Variants in PCLO observed in about 807,000 individuals in gnomAD.
The protein encoded by PCLO is piccolo presynaptic cytomatrix protein.
In PCLO, 82 loss-of-function variants were observed where a neutral mutation model predicts 427.5. The ratio of observed to expected loss-of-function variants is 0.19; its 90% CI spans 0.16 to 0.23. The LOEUF (loss-of-function observed/expected upper bound fraction) is 0.23, where lower values mean the gene tolerates loss of function less well. PCLO is among the 10% of genes least tolerant of loss of function. The pLI is 1.00. For synonymous variants in PCLO, 2,357 were observed against 2,155.4 expected (o/e 1.09, Z -2.59); for missense variants, 6,239 against 6,115.9 (o/e 1.02, Z -0.67).
intron 14 of PCLO, among the ~76,000 whole-genome samples, chr7:82,840,666 A>G (rs1281271350): frequency 6.6e-6 from 1 of 152,060 alleles, no homozygotes; most frequent in Non-Finnish European, 1.5e-5. Context: ...TTATCTTCAA[A>G]TTAATTCGAG....
At chr7:83,079,902 T>TTGTTGTTCCCCTCCCTG (rs1248588402) in intron 3 of PCLO, among the ~76,000 whole-genome samples, 2 of 151,086 alleles carry the variant, frequency 1.3e-5, no homozygotes, top group East Asian at 3.9e-4. Context: ...GACCCCAATG[T>TTGTTGTTCCCCTCCCTG]TGTTGTTCCC....
At chr7:83,032,784 G>A (rs142857353) in intron 3 of PCLO, among the ~76,000 whole-genome samples, 178 of 152,134 alleles carry the variant, frequency 1.2e-3, no homozygotes, top group Non-Finnish European at 2.2e-3. Context: ...AAAATCTAGA[G>A]TTGAATCATG....
chr7:83,117,586 C>G (rs10240400), intron 3 of PCLO, among the ~76,000 whole-genome samples: 13,356 of 152,150 alleles, frequency 0.088, 1,976 homozygotes, highest in African/African-American at 0.31. Context: ...CTGCTGCTAT[C>G]AAAGAGGTGG....
chr7:82,857,011 G>C (rs2115884687), intron 10 of PCLO, among the ~76,000 whole-genome samples: 1 of 152,222 alleles, frequency 6.6e-6, no homozygotes. Flanking sequence ...TTACTTGAAA[G>C]AGCATGCCTC....
chr7:83,063,429 G>A (rs182213901), intron 3 of PCLO, among the ~76,000 whole-genome samples: 2 of 152,150 alleles, frequency 1.3e-5, no homozygotes, highest in Admixed American at 1.3e-4. Flanking sequence ...TTCAATAGAA[G>A]CCATATTTCA....
intron 9 of PCLO, among the ~76,000 whole-genome samples, chr7:82,885,711 T>C (rs1308760813): frequency 1.3e-5 from 2 of 151,954 alleles, no homozygotes; most frequent in Admixed American, 1.3e-4. Flanking sequence ...AAATAATATA[T>C]GCATATTGTA....
chr7:82,817,193 C>T (rs1225595032), intron 20 of PCLO, among the ~76,000 whole-genome samples: 4 of 152,146 alleles, frequency 2.6e-5, no homozygotes, highest in South Asian at 2.1e-4. Flanking sequence ...GTTTGCTATG[C>T]GCATGTCATT....
intron 22 of PCLO, among the ~76,000 whole-genome samples, chr7:82,791,506 A>T (rs1404515986): frequency 6.6e-6 from 1 of 152,206 alleles, no homozygotes; most frequent in East Asian, 1.9e-4. Flanking sequence ...GTCCTTTTTC[A>T]AAGTAAAAGA....
chr7:82,760,937 A>G (rs1046939454), intron 23 of PCLO, among the ~76,000 whole-genome samples, 153 bp from the exon 24 acceptor site: 6 of 135,760 alleles, frequency 4.4e-5, no homozygotes, highest in Non-Finnish European at 9.3e-5. Flanking sequence ...TGATTAAAAG[A>G]TATGTCTTTT....
chr7:83,045,033 A>T (rs1407212623), intron 3 of PCLO, among the ~76,000 whole-genome samples: 2 of 152,174 alleles, frequency 1.3e-5, no homozygotes, highest in East Asian at 3.9e-4. Context: ...TTTCTTATAA[A>T]CTATGATAGT....
chr7:82,938,923 A>G (rs139562235), intron 6 of PCLO, among the ~76,000 whole-genome samples: 7 of 152,202 alleles, frequency 4.6e-5, no homozygotes, highest in Non-Finnish European at 8.8e-5. Flanking sequence ...ACAGGTTAAC[A>G]ATAATTTCCA....
At chr7:82,834,342 C>G (rs536897475) in intron 16 of PCLO, among the ~76,000 whole-genome samples, 1 of 152,096 alleles carries the variant, frequency 6.6e-6, no homozygotes, top group Non-Finnish European at 1.5e-5. Context: ...GATGAGAGAA[C>G]CAGCCATAAC....
Position 82,822,671 on chromosome 7 carries a change from A to G in PCLO, c.14615T>C (p.Ile4872Thr), listed in dbSNP as rs770706857. 4.3e-6 allele frequency: 7 copies of G among 1,613,364 alleles called. No individual in the cohort carries two copies. The African/African-American group carries it at 5.3e-5, about 12-fold the overall frequency. The change falls in exon 20 of 25, where the codon ATT becomes ACT. Residue 4872 changes from isoleucine to threonine, a missense_variant. Physicochemically the swap from Ile to Thr is moderately conservative, Grantham distance 89 (BLOSUM62 -1). Transcript: ENST00000333891. ...DPSKDMQVPT[I>T]EKSHSSPGSS... ...ACCAGGACTACTATGGGATTTCTCA[A>G]TGGTGGGAACCTGCATGTCTGGTCA...
chr7:82,796,150 T>C (rs1041285306), intron 22 of PCLO, among the ~76,000 whole-genome samples: 2 of 152,208 alleles, frequency 1.3e-5, no homozygotes, highest in Non-Finnish European at 2.9e-5. Context: ...GGTCAATCGA[T>C]ACCCTCCAGA....
intron 10 of PCLO, among the ~76,000 whole-genome samples, chr7:82,857,571 C>G (rs937492219): frequency 5.3e-5 from 8 of 152,058 alleles, no homozygotes; most frequent in African/African-American, 1.9e-4. Flanking sequence ...CCACCACCAT[C>G]TCCACTGTAC....
At chr7:83,162,240 G>T in intron 1 of PCLO, 105 bp downstream of exon 1, 1 of 1,320,188 alleles carries the variant, frequency 7.6e-7, no homozygotes, top group Non-Finnish European at 1.0e-6. Context: ...TAAAATGAAC[G>T]GAGGCGACAT....
At chr7:82,928,263 A>T (rs1009641041) in intron 6 of PCLO, among the ~76,000 whole-genome samples, 1 of 152,220 alleles carries the variant, frequency 6.6e-6, no homozygotes, top group Non-Finnish European at 1.5e-5. Flanking sequence ...ATGTTTAAAC[A>T]AAAGAATAAT....
intron 3 of PCLO, among the ~76,000 whole-genome samples, chr7:83,089,180 A>G (rs1160677232): frequency 6.6e-6 from 1 of 151,842 alleles, no homozygotes; most frequent in Non-Finnish European, 1.5e-5. Flanking sequence ...TGTTTTAAAT[A>G]TTTTTTTATG....
chr7:83,155,360 T>C lies in PCLO; in HGVS notation c.1281A>G (p.Leu427=). The C allele has an allele frequency of 1.2e-6, 2 of 1,613,882 alleles. No homozygotes were observed. Among genetic ancestry groups the C allele is most frequent in the South Asian group, 1.1e-5 (1 of 91,074 alleles). Residue 427 remains leucine (L), a synonymous_variant, in exon 2 of 25, where the codon CTA becomes CTG. Transcript: ENST00000333891. ...GCCCAGGTGCCTTAGCTGGAGACTG[T>C]AGCCCAGGTTGTTGAGCTAGGGGTT... ...TPKPLAQQPG[L]QSPAKAPGPT... is the part of the protein sequence containing the mutation.
Sources: allele counts gnomAD v4.1 joint callset (sites outside exome capture counted in the v4.1 genomes callset), GRCh38; gene constraint gnomAD v4.1.1; transcripts MANE v1.5; gene names NCBI Gene and HGNC (gene_info 2026-07-23, HGNC 2026-07-21).